Variants in COL25A1 observed in about 807,000 individuals in gnomAD.
COL25A1 encodes collagen type XXV alpha 1 chain, also known as collagen alpha-1(XXV) chain.
A neutral mutation model predicts 128.4 loss-of-function variants in COL25A1; 103 were observed. The ratio of observed to expected loss-of-function variants is 0.80; its 90% CI spans 0.68 to 0.94. The LOEUF (loss-of-function observed/expected upper bound fraction) is 0.94, where lower values mean the gene tolerates loss of function less well. Ranked by LOEUF, COL25A1 falls within the 40% of genes least tolerant of loss-of-function variation. The pLI is 0.00. For missense variants in COL25A1, 745 were observed against 840.0 expected (o/e 0.89, Z 1.40); for synonymous variants, 279 against 277.2 (o/e 1.01, Z -0.06).
chr4:108,827,531 T>C (rs755145896), intron 32 of COL25A1, among the ~76,000 whole-genome samples: 2 of 152,186 alleles, frequency 1.3e-5, no homozygotes, highest in Non-Finnish European at 2.9e-5. Context: ...AAGAATAAAG[T>C]GTCTTTCTTT....
intron 5 of COL25A1, among the ~76,000 whole-genome samples, chr4:109,027,996 G>A (rs1023485884): frequency 2.0e-5 from 3 of 152,154 alleles, no homozygotes; most frequent in African/African-American, 7.2e-5. Context: ...ATACATTTGG[G>A]AGACTTTGAC....
intron 3 of COL25A1, among the ~76,000 whole-genome samples, chr4:109,291,276 A>T (rs1278110684): frequency 2.0e-5 from 3 of 152,146 alleles, no homozygotes; most frequent in African/African-American, 4.8e-5. Flanking sequence ...AGCCAGATTT[A>T]TACTTTCTAT....
chr4:108,946,545 T>C (rs11945723), intron 8 of COL25A1, among the ~76,000 whole-genome samples: 6,705 of 152,308 alleles, frequency 0.044, 378 homozygotes, highest in African/African-American at 0.13. Flanking sequence ...TAAAAAGCAT[T>C]TGTTGAGCAC....
At chr4:109,181,716 C>A (rs1270474024) in intron 3 of COL25A1, among the ~76,000 whole-genome samples, 1 of 152,040 alleles carries the variant, frequency 6.6e-6, no homozygotes, top group Non-Finnish European at 1.5e-5. Flanking sequence ...GATGAGAACA[C>A]TTAAAATCTA....
chr4:108,809,635 T>G lies in COL25A1; in HGVS notation c.*4292A>C, dbSNP rs1220802771. 2.6e-5 allele frequency: 4 copies of G among 152,058 alleles called. No individual in the cohort carries two copies. The highest frequency in any genetic ancestry group is 2.4e-5 in the African/African-American group (1 of 41,448). The allele number at this position is 152,058 out of a possible 1,614,324, so 9.4% of individuals were successfully genotyped here. On this transcript the variant is annotated 3_prime_UTR_variant, in exon 38 of 38. Transcript: ENST00000399132. ...AAATGAAAAAAGTCATTAAAGTGTTTATTAGTACGGGGTTAGCAAAAACCA... is the reference window on the plus strand; with the variant it reads ...AAATGAAAAAAGTCATTAAAGTGTTGATTAGTACGGGGTTAGCAAAAACCA...
chr4:108,831,715 A>AGAGC (rs1440059918), intron 32 of COL25A1, among the ~76,000 whole-genome samples: 1 of 135,368 alleles, frequency 7.4e-6, no homozygotes, highest in African/African-American at 2.7e-5. Context: ...AGAGAGAGAG[A>AGAGC]GCGCATGCAT....
intron 3 of COL25A1, among the ~76,000 whole-genome samples, chr4:109,195,382 G>A (rs982985122): frequency 1.3e-5 from 2 of 152,054 alleles, no homozygotes. Flanking sequence ...CATTATTATA[G>A]CAACAATTGA....
intron 3 of COL25A1, among the ~76,000 whole-genome samples, chr4:109,085,915 G>A (rs1263032534): frequency 2.0e-5 from 3 of 152,186 alleles, no homozygotes; most frequent in Admixed American, 6.5e-5. Flanking sequence ...ATAAGGATGA[G>A]GTAGAAGTTA....
intron 3 of COL25A1, among the ~76,000 whole-genome samples, chr4:109,252,592 G>C (rs572354412): frequency 2.0e-5 from 3 of 152,256 alleles, no homozygotes; most frequent in Admixed American, 2.0e-4. Context: ...CATTCAGGTG[G>C]GTCTATCCAT....
chr4:109,226,671 T>A (rs1248909443), intron 3 of COL25A1, among the ~76,000 whole-genome samples: 1 of 151,936 alleles, frequency 6.6e-6, no homozygotes, highest in East Asian at 1.9e-4. Flanking sequence ...TCCTAAAAGA[T>A]CAAAATCTCA....
At chr4:108,946,917 A>G (rs1350174562) in intron 8 of COL25A1, among the ~76,000 whole-genome samples, 2 of 152,142 alleles carry the variant, frequency 1.3e-5, no homozygotes, top group Admixed American at 6.5e-5. Flanking sequence ...GTTATTAAGG[A>G]AGTTGAAATT....
chr4:109,281,781 T>C (rs915027898), intron 3 of COL25A1, among the ~76,000 whole-genome samples: 4 of 152,232 alleles, frequency 2.6e-5, no homozygotes, highest in African/African-American at 9.6e-5. Flanking sequence ...TGAAGAAAAC[T>C]GGTCTAAAAG....
At chr4:109,047,918 C>G (rs3096480) in intron 5 of COL25A1, among the ~76,000 whole-genome samples, 75,192 of 151,292 alleles carry the variant, frequency 0.5, 20,454 homozygotes, top group African/African-American at 0.71. Context: ...ATTTTTAGTA[C>G]AGATGGGGTT....
At chr4:109,166,697 A>G (rs1773104623) in intron 3 of COL25A1, among the ~76,000 whole-genome samples, 3 of 152,222 alleles carry the variant, frequency 2.0e-5, no homozygotes, top group African/African-American at 7.2e-5. Context: ...CACTGTGAGC[A>G]CACAAGCCCT....
chr4:109,200,068 C>G lies in COL25A1; in HGVS notation c.367+100515G>C, dbSNP rs569410582. Among the ~76,000 whole-genome samples, 6 of 152,318 alleles carry G rather than the reference C, an allele frequency of 3.9e-5. No individual in the cohort carries two copies. The East Asian group carries it at 1.2e-3, about 29-fold the overall frequency. ...TTAAAGTATAAAGCTTTGTAAGAGG[C>G]AGCTAAATCATCAAGTAACCAATCA... On this transcript the variant is annotated intron_variant, in intron 3 of 37. Coordinates refer to ENST00000399132, the MANE Select transcript of COL25A1 (RefSeq NM_198721.4).
intron 8 of COL25A1, 31 bp from the exon 9 acceptor site, chr4:108,941,468 G>T (rs751230288): frequency 6.5e-7 from 1 of 1,528,590 alleles, no homozygotes; most frequent in Non-Finnish European, 9.1e-7. Context: ...AAAGGTTGAA[G>T]TTCAGAGATG....
chr4:109,247,244 G>T (rs1232264409), intron 3 of COL25A1, among the ~76,000 whole-genome samples: 1 of 152,144 alleles, frequency 6.6e-6, no homozygotes, highest in African/African-American at 2.4e-5. Context: ...TACTCAGGAA[G>T]CTGAGTGAAG....
intron 13 of COL25A1, among the ~76,000 whole-genome samples, chr4:108,915,489 C>A (rs1047334211): frequency 6.6e-6 from 1 of 152,176 alleles, no homozygotes; most frequent in Non-Finnish European, 1.5e-5. Flanking sequence ...GCATGGGCCA[C>A]CTTTCCTGGC....
chr4:109,158,586 G>C (rs1049556316), intron 3 of COL25A1, among the ~76,000 whole-genome samples: 1 of 152,182 alleles, frequency 6.6e-6, no homozygotes, highest in African/African-American at 2.4e-5. Context: ...AGAAGACTAA[G>C]TCGTGGCCCT....
Sources: allele counts gnomAD v4.1 joint callset (sites outside exome capture counted in the v4.1 genomes callset), GRCh38; gene constraint gnomAD v4.1.1; transcripts MANE v1.5; gene names NCBI Gene and HGNC (gene_info 2026-07-23, HGNC 2026-07-21).